Variants in PSME3 observed in about 807,000 individuals in gnomAD.
PSME3 encodes the protein proteasome activator subunit 3, also known as proteasome activator complex subunit 3.
A neutral mutation model predicts 38.3 loss-of-function variants in PSME3; 7 were observed. The ratio of observed to expected loss-of-function variants is 0.18; its 90% CI spans 0.10 to 0.34. The LOEUF (loss-of-function observed/expected upper bound fraction) is 0.34. Ranked by LOEUF, PSME3 falls within the 10% of genes least tolerant of loss-of-function variation. The pLI is 1.00. For synonymous variants in PSME3, 108 were observed against 105.7 expected (o/e 1.02, Z -0.13); for missense variants, 192 against 307.6 (o/e 0.62, Z 2.81).
chr17:42,835,737 A>AG (rs891698297), intron 4 of PSME3, among the ~76,000 whole-genome samples: 2 of 151,860 alleles, frequency 1.3e-5, no homozygotes, highest in Admixed American at 6.6e-5. Flanking sequence ...AAAAAAAAAA[A>AG]GAGAACTAGC....
rs1056434756 is a variant in PSME3, at chr17:42,833,570, C to T, written c.-62C>T. ...CCGAGATTTCTCAGGTCCCTCCGGC[C>T]CCCTCCCTGGAGTCCACAGCGCCTC... On this transcript the variant is annotated 5_prime_UTR_variant, in exon 1 of 11. Coordinates refer to ENST00000590720, the MANE Select transcript of PSME3 (RefSeq NM_005789.4). 7 of 1,607,336 alleles carry T rather than the reference C, an allele frequency of 4.4e-6. No homozygotes were observed. The African/African-American group carries it at 8.0e-5, about 18-fold the overall frequency.
At chr17:42,840,749 C>G (rs1328429495) in intron 10 of PSME3, among the ~76,000 whole-genome samples, 1 of 152,188 alleles carries the variant, frequency 6.6e-6, no homozygotes, top group Non-Finnish European at 1.5e-5. Flanking sequence ...TTATTAGACA[C>G]TTGGGGCCTT....
intron 4 of PSME3, 120 bp from the exon 5 acceptor site, chr17:42,837,529 G>A: frequency 1.8e-6 from 2 of 1,096,772 alleles, no homozygotes; most frequent in South Asian, 1.3e-5. Context: ...AGGAAATTGT[G>A]CAGAAATTAA....
At chr17:42,838,041 A>G (rs894075054) in intron 5 of PSME3, 52 bp from the exon 6 acceptor site, 1 of 1,586,000 alleles carries the variant, frequency 6.3e-7, no homozygotes. Flanking sequence ...GAGGCAGGGG[A>G]TGCTGTGTCC....
chr17:42,835,690 A>G (rs1044118626), intron 4 of PSME3, among the ~76,000 whole-genome samples: 2 of 150,740 alleles, frequency 1.3e-5, no homozygotes, highest in Non-Finnish European at 3.0e-5. Context: ...GCGCCACTGT[A>G]CTCCAGCCTG....
Position 42,833,407 on chromosome 17 carries a change from G to C in PSME3, c.-225G>C. 1.7e-6 allele frequency: 1 copy of C among 601,612 alleles called. No homozygotes were observed. Among genetic ancestry groups the C allele is most frequent in the South Asian group, 2.0e-5 (1 of 50,648 alleles). The allele number at this position is 601,612 out of a possible 1,614,324, so 37.3% of individuals were successfully genotyped here. A position where few individuals can be genotyped will look rare whatever the true frequency, so the allele number is the denominator to read the frequency against. On this transcript the variant is annotated 5_prime_UTR_variant, in exon 1 of 11. Coordinates refer to ENST00000590720, the MANE Select transcript of PSME3 (RefSeq NM_005789.4). ...GCGATTGGCTGTGACGCAGTTTCCG[G>C]CGTGAGCGGCGAAAGCCGGGAGGGC...
rs2055438697 is a variant in PSME3 at position 42,834,509 on chromosome 17, C to T, written c.76-6C>T. On this transcript the variant is annotated splice_region_variant and splice_polypyrimidine_tract_variant and intron_variant, in intron 2 of 10. Transcript: ENST00000590720. ...TTAATTCAGCTGTATTTTCCCTCTT[C>T]CTTAGGCAGAAGACTTGGTGGCAAA... 6.2e-7 allele frequency: 1 copy of T among 1,612,362 alleles called. No homozygotes were observed. Among genetic ancestry groups the T allele is most frequent in the Non-Finnish European group, 8.5e-7 (1 of 1,179,006 alleles).
chr17:42,834,266 A>G (rs1237825220), intron 1 of PSME3, 78 bp from the exon 2 acceptor site: 4 of 1,608,926 alleles, frequency 2.5e-6, no homozygotes, highest in Admixed American at 3.4e-5. Context: ...GGTGAGGGAA[A>G]GACAGTTGGA....
chr17:42,841,150 A>G lies in PSME3; in HGVS notation c.685-348A>G, dbSNP rs540354746. Among the ~76,000 whole-genome samples the G allele has an allele frequency of 2.6e-4, 39 of 152,124 alleles. 1 individual carries two copies. The South Asian group carries it at 7.9e-3, about 31-fold the overall frequency. On this transcript the variant is annotated intron_variant, in intron 10 of 10. Coordinates refer to ENST00000590720, the MANE Select transcript of PSME3 (RefSeq NM_005789.4). ...CGTGTCTCAAAAAAAAAAAAAAAAA[A>G]AAATACAGTAAGTCTTCACTTAATG...
In PSME3 at chr17:42,833,768, G is replaced by C. The variant is rs145236047; in HGVS notation, c.42+95G>C. On this transcript the variant is annotated intron_variant, in intron 1 of 10. Transcript: ENST00000590720. ...CCCATGGCGTCTTTGTCTCCCTGGG[G>C]ATACCAGCTCTGAGCTTCCGCTCGG... The C allele has an allele frequency of 5.2e-5, 84 of 1,610,506 alleles. No individual in the cohort carries two copies. In the African/African-American group the frequency reaches 1.0e-3, roughly 20 times the overall value.
chr17:42,837,664 C>A lies in PSME3; in HGVS notation c.259C>A (p.Arg87=), dbSNP rs1317191139. 1 of 1,613,908 alleles carries A rather than the reference C, an allele frequency of 6.2e-7. No homozygotes were observed. The highest frequency in any genetic ancestry group is 1.3e-5 in the African/African-American group (1 of 74,886). ...GTATCCTTAGCCCACTTATAAGAAG[C>A]GAAGGTTGGATGAGTGTGAAGAAGC... is the stretch of plus-strand genomic sequence containing the variant. ...DGLDGPTYKK[R]RLDECEEAFQ... Residue 87 remains arginine (R), a synonymous_variant, in exon 5 of 11, where the codon CGA becomes AGA. Coordinates refer to ENST00000590720, the MANE Select transcript of PSME3 (RefSeq NM_005789.4).
intron 4 of PSME3, among the ~76,000 whole-genome samples, chr17:42,837,342 C>T (rs1222396593): frequency 1.3e-5 from 2 of 152,066 alleles, no homozygotes; most frequent in African/African-American, 4.8e-5. Context: ...AACCACCGCG[C>T]CTGGCTAACT....
At chr17:42,841,164 C>T (rs919030320) in intron 10 of PSME3, among the ~76,000 whole-genome samples, 2 of 150,068 alleles carry the variant, frequency 1.3e-5, no homozygotes, top group Non-Finnish European at 3.0e-5. Context: ...TACAGTAAGT[C>T]TTCACTTAAT....
At chr17:42,841,089 C>T (rs965736584) in intron 10 of PSME3, among the ~76,000 whole-genome samples, 6 of 147,770 alleles carry the variant, frequency 4.1e-5, no homozygotes, top group Middle Eastern at 3.5e-3. Flanking sequence ...GCCGAGATCG[C>T]GCCATTGCAC....
chr17:42,835,034 C>CTTAT (rs933435999), intron 4 of PSME3, among the ~76,000 whole-genome samples, 158 bp downstream of exon 4: 9 of 152,060 alleles, frequency 5.9e-5, no homozygotes, highest in Non-Finnish European at 1.0e-4. Flanking sequence ...TCTTTTATTT[C>CTTAT]TTATTTATTT....
Position 42,838,149 on chromosome 17 carries a change from G to A in PSME3, c.349G>A (p.Asp117Asn). 6.2e-7 allele frequency: 1 copy of A among 1,614,164 alleles called. No homozygotes were observed. Among genetic ancestry groups the A allele is most frequent in the Non-Finnish European group, 8.5e-7 (1 of 1,180,038 alleles). Residue 117 changes from aspartate (D) to asparagine (N), a missense_variant, in exon 6 of 11, where the codon GAC becomes AAC. Physicochemically the swap from Asp to Asn is conservative, Grantham distance 23. Around this residue, in one of 2 missense-constraint regions of PSME3, gnomAD observed 110 missense variants for 139.3 expected, o/e 0.79. Coordinates refer to ENST00000590720, the MANE Select transcript of PSME3 (RefSeq NM_005789.4). ...GCTGAAAAGCAACCAGCAGCTGGTG[G>A]ACATTATTGAGAAAGTGAAACCTGA... ...GMLKSNQQLV[D>N]IIEKVKPEIR...
At chr17:42,835,343 A>G (rs2055449348) in intron 4 of PSME3, among the ~76,000 whole-genome samples, 1 of 152,072 alleles carries the variant, frequency 6.6e-6, no homozygotes, top group African/African-American at 2.4e-5. Flanking sequence ...GGACTCCAGT[A>G]TATTCCTTTT....
intron 10 of PSME3, 22 bp from the exon 11 acceptor site, chr17:42,841,476 C>T (rs1178429248): frequency 3.3e-6 from 5 of 1,513,810 alleles, no homozygotes; most frequent in Non-Finnish European, 4.6e-6. Context: ...ATATGTGATT[C>T]CCCTGATCCC....
In PSME3 at chr17:42,834,822, T is replaced by C. The variant is rs750055551; in HGVS notation, c.189T>C (p.Asn63=). 1.9e-6 allele frequency: 3 copies of C among 1,614,112 alleles called. No homozygotes were observed. Among genetic ancestry groups the C allele is most frequent in the Non-Finnish European group, 2.5e-6 (3 of 1,179,986 alleles). Residue 63 remains asparagine (N), a synonymous_variant, in exon 4 of 11, where the codon AAT becomes AAC. Transcript: ENST00000590720. ...TAACTCAGATCCACTCTGACATGAATCTCCCAGTCCCTGACCCCATTCTTC... is the reference window on the plus strand; with the variant it reads ...TAACTCAGATCCACTCTGACATGAACCTCCCAGTCCCTGACCCCATTCTTC... ...HDLTQIHSDM[N]LPVPDPILLT...
Sources: gnomAD v4.1 joint callset for allele counts (sites outside exome capture counted in the v4.1 genomes callset) on GRCh38, gnomAD v4.1.1 for gene constraint, gnomAD v4.1.1 regional missense constraint, MANE v1.5 for transcripts, NCBI Gene and HGNC (gene_info 2026-07-23, HGNC 2026-07-21) for gene names.